MOB3B: variants seen among roughly 807,000 people sequenced by gnomAD.
MOB3B encodes MOB kinase activator-like 2B.
In MOB3B, 7 loss-of-function variants were observed where a neutral mutation model predicts 18.7. The ratio of observed to expected loss-of-function variants is 0.37; its 90% CI spans 0.21 to 0.70. The LOEUF (loss-of-function observed/expected upper bound fraction) is 0.70. Ranked by LOEUF, MOB3B falls within the 30% of genes least tolerant of loss-of-function variation. The pLI, the probability that MOB3B is intolerant of heterozygous loss-of-function variation, is 0.52. For synonymous variants in MOB3B, 111 were observed against 99.9 expected, an observed-to-expected ratio of 1.11 and a Z score of -0.66; for missense variants, 253 against 281.3, an observed-to-expected ratio of 0.90 and a Z score of 0.72.
At position 27,507,502 on chromosome 9, in the gene MOB3B, C is replaced by T. The variant is rs145773732; in HGVS notation, c.-199+22053G>A. Among the ~76,000 whole-genome samples the T allele has an allele frequency of 2.1e-3, 320 of 152,312 alleles. 3 individuals carry two copies. The highest frequency in any genetic ancestry group is 3.5e-3 in the Non-Finnish European group (238 of 68,036). ...TCTAGAACAAGTCTTCTTACAGCAA[C>T]CAGGACTGGCATGGACATTTTTCTG... is the stretch of plus-strand genomic sequence containing the variant. On this transcript the variant is annotated intron_variant, in intron 1 of 3. Transcript: ENST00000262244.
chr9:27,458,894 T>G (rs999444202), intron 1 of MOB3B, among the ~76,000 whole-genome samples: 1 of 152,060 alleles, frequency 6.6e-6, no homozygotes, highest in Non-Finnish European at 1.5e-5. Context: ...GATCTCCTAG[T>G]GCTTGATTCA....
At chr9:27,423,856 G>A (rs1822291092) in intron 2 of MOB3B, among the ~76,000 whole-genome samples, 1 of 152,248 alleles carries the variant, frequency 6.6e-6, no homozygotes, top group South Asian at 2.1e-4. Flanking sequence ...CAGGTGCTAA[G>A]TGCTTTAACA....
chr9:27,377,592 T>C (rs898635620), intron 2 of MOB3B, among the ~76,000 whole-genome samples: 1 of 152,040 alleles, frequency 6.6e-6, no homozygotes, highest in Non-Finnish European at 1.5e-5. Context: ...TTTCAGTGAG[T>C]CTGGGGAGGG....
intron 2 of MOB3B, among the ~76,000 whole-genome samples, chr9:27,394,474 C>A (rs1317493483): frequency 6.6e-6 from 1 of 152,134 alleles, no homozygotes; most frequent in African/African-American, 2.4e-5. Flanking sequence ...TTCCAAAACA[C>A]AGAACTACCA....
At chr9:27,420,723 G>A (rs1169085532) in intron 2 of MOB3B, among the ~76,000 whole-genome samples, 2 of 151,094 alleles carry the variant, frequency 1.3e-5, no homozygotes, top group Non-Finnish European at 2.9e-5. Flanking sequence ...TGGTCTCACT[G>A]ATATGTGGGA....
At chr9:27,497,386 A>G (rs2131492096) in intron 1 of MOB3B, among the ~76,000 whole-genome samples, 1 of 152,272 alleles carries the variant, frequency 6.6e-6, no homozygotes, top group Non-Finnish European at 1.5e-5. Flanking sequence ...ATAGAATTCT[A>G]TATAGACATA....
chr9:27,357,530 A>T (rs1821210266), intron 3 of MOB3B, among the ~76,000 whole-genome samples: 1 of 151,914 alleles, frequency 6.6e-6, no homozygotes. Context: ...GATTATTCAA[A>T]TTAGCCAACC....
chr9:27,345,244 G>A (rs180719682), intron 3 of MOB3B, among the ~76,000 whole-genome samples: 1 of 152,206 alleles, frequency 6.6e-6, no homozygotes, highest in East Asian at 1.9e-4. Flanking sequence ...CTCTCTAAAT[G>A]TGGGCACTGT....
intron 1 of MOB3B, among the ~76,000 whole-genome samples, chr9:27,501,962 C>T (rs909336262): frequency 1.3e-5 from 2 of 152,120 alleles, no homozygotes; most frequent in Admixed American, 1.3e-4. Context: ...CCTTGATGCT[C>T]TTTCAGGAAA....
intron 1 of MOB3B, among the ~76,000 whole-genome samples, chr9:27,523,048 C>T (rs530685241): frequency 6.6e-6 from 1 of 152,246 alleles, no homozygotes; most frequent in South Asian, 2.1e-4. Context: ...ACTTTTCAAT[C>T]AAAGTCTGCC....
At chr9:27,450,027 A>C (rs1304632569) in intron 2 of MOB3B, among the ~76,000 whole-genome samples, 1 of 152,042 alleles carries the variant, frequency 6.6e-6, no homozygotes, top group Non-Finnish European at 1.5e-5. Flanking sequence ...GGCCAATCAT[A>C]AACTCAACTC....
rs188192954 is a variant in MOB3B at position 27,434,032 on chromosome 9, G to C, written c.418+21101C>G. ...AATAGAACTAAAAAATCCAGACTCA[G>C]GGTATTTGCTCACCTCTGTGAAGAT... On this transcript the variant is annotated intron_variant, in intron 2 of 3. Transcript: ENST00000262244. Among the ~76,000 whole-genome samples the C allele has an allele frequency of 2.0e-3, 305 of 152,306 alleles. 1 individual carries two copies. The highest frequency in any genetic ancestry group is 7.1e-3 in the African/African-American group (296 of 41,574).
chr9:27,481,793 A>G (rs1281756562), intron 1 of MOB3B, among the ~76,000 whole-genome samples: 3 of 152,048 alleles, frequency 2.0e-5, no homozygotes, highest in Admixed American at 6.5e-5. Flanking sequence ...CCAAAGTGCA[A>G]GGATTACAGG....
At chr9:27,493,528 C>T (rs1819851008) in intron 1 of MOB3B, among the ~76,000 whole-genome samples, 1 of 152,064 alleles carries the variant, frequency 6.6e-6, no homozygotes, top group African/African-American at 2.4e-5. Flanking sequence ...GTAGTCCCAG[C>T]TACTCGGGAG....
At chr9:27,466,626 C>T (rs1194908956) in intron 1 of MOB3B, among the ~76,000 whole-genome samples, 1 of 152,152 alleles carries the variant, frequency 6.6e-6, no homozygotes, top group Non-Finnish European at 1.5e-5. Flanking sequence ...ACTTAGAGTT[C>T]CACATGGTTG....
intron 1 of MOB3B, among the ~76,000 whole-genome samples, chr9:27,472,345 C>T (rs1819485070): frequency 6.6e-6 from 1 of 151,694 alleles, no homozygotes; most frequent in Non-Finnish European, 1.5e-5. Flanking sequence ...GAGAAGTGTA[C>T]TCCTCAAGCA....
At chr9:27,376,124 T>C (rs1380525951) in intron 2 of MOB3B, among the ~76,000 whole-genome samples, 1 of 152,228 alleles carries the variant, frequency 6.6e-6, no homozygotes, top group Non-Finnish European at 1.5e-5. Flanking sequence ...TCAGTTTGTA[T>C]CCTCCTTTTT....
intron 1 of MOB3B, among the ~76,000 whole-genome samples, chr9:27,523,464 C>CAAAAAAAAAAAAAAAAAAAAAAAAAAA (rs55637136): frequency 1.1e-4 from 16 of 141,672 alleles, no homozygotes; most frequent in African/African-American, 2.4e-4. Flanking sequence ...TAAACTGCAC[C>CAAAAAAAAAAAAAAAAAAAAAAAAAAA]AAAAAAAAAA....
At chr9:27,420,660 G>A (rs1822235663) in intron 2 of MOB3B, among the ~76,000 whole-genome samples, 1 of 143,730 alleles carries the variant, frequency 7.0e-6, no homozygotes, top group Non-Finnish European at 1.5e-5. Flanking sequence ...GGATGAGATT[G>A]GAGACTATTA....
Sources: allele counts gnomAD v4.1 joint callset (sites outside exome capture counted in the v4.1 genomes callset), GRCh38; gene constraint gnomAD v4.1.1; transcripts MANE v1.5; gene names NCBI Gene and HGNC (gene_info 2026-07-23, HGNC 2026-07-21).